Variants in SVOP observed in about 807,000 individuals in gnomAD.
The protein encoded by SVOP is SV2 related protein, also known as synaptic vesicle 2-related protein.
A neutral mutation model predicts 69.1 loss-of-function variants in SVOP; 17 were observed. The ratio of observed to expected loss-of-function variants is 0.25; its 90% CI spans 0.17 to 0.37. The LOEUF (loss-of-function observed/expected upper bound fraction) is 0.37, where lower values mean the gene tolerates loss of function less well. SVOP is among the 10% of genes least tolerant of loss of function. The pLI, the probability that SVOP is intolerant of heterozygous loss-of-function variation, is 1.00. For synonymous variants in SVOP, 238 were observed against 238.6 expected, an observed-to-expected ratio of 1.00 and a Z score of 0.02; for missense variants, 435 against 597.5, an observed-to-expected ratio of 0.73 and a Z score of 2.84.
chr12:108,975,329 T>C (rs1226545770), intron 4 of SVOP, among the ~76,000 whole-genome samples: 1 of 152,260 alleles, frequency 6.6e-6, no homozygotes. Flanking sequence ...TGCAGGACTC[T>C]GACTTTTCCT....
In SVOP at chr12:108,933,157, G is replaced by A. The variant is rs557095974; in HGVS notation, c.1048+1038C>T. On this transcript the variant is annotated intron_variant, in intron 11 of 15. Coordinates refer to ENST00000610966, the MANE Select transcript of SVOP (RefSeq NM_018711.5). ...CCTAAAGTGCTGGGACTACATGCACGAGCCACCACGCCTGGCCTGCAACTT... is the reference window on the plus strand; with the variant it reads ...CCTAAAGTGCTGGGACTACATGCACAAGCCACCACGCCTGGCCTGCAACTT... 5.9e-5 allele frequency among the ~76,000 whole-genome samples: 9 copies of A among 152,242 alleles called. No homozygotes were observed. The East Asian group carries it at 1.5e-3, about 26-fold the overall frequency.
At chr12:108,994,505 A>G (rs987576476) in intron 1 of SVOP, among the ~76,000 whole-genome samples, 1 of 152,162 alleles carries the variant, frequency 6.6e-6, no homozygotes, top group African/African-American at 2.4e-5. Context: ...AATAATAAGA[A>G]TAAAGAACAG....
At chr12:108,941,408 T>C (rs1412662338) in intron 7 of SVOP, among the ~76,000 whole-genome samples, 5 of 152,084 alleles carry the variant, frequency 3.3e-5, no homozygotes, top group Non-Finnish European at 7.4e-5. Flanking sequence ...GTATTTTTAG[T>C]AGAGACAGGG....
intron 5 of SVOP, among the ~76,000 whole-genome samples, chr12:108,969,579 G>A (rs1013486016): frequency 2.0e-5 from 3 of 151,036 alleles, no homozygotes; most frequent in Non-Finnish European, 3.0e-5. Context: ...CTCCCACCTC[G>A]GCCTCCCAAA....
intron 1 of SVOP, among the ~76,000 whole-genome samples, chr12:109,011,921 A>G (rs1330763576): frequency 1.3e-5 from 2 of 152,146 alleles, no homozygotes; most frequent in Non-Finnish European, 2.9e-5. Flanking sequence ...AGAAGCAGAG[A>G]GTGGAATGGT....
chr12:108,991,566 G>C (rs553053396), intron 1 of SVOP, among the ~76,000 whole-genome samples: 11 of 152,088 alleles, frequency 7.2e-5, no homozygotes, highest in African/African-American at 2.6e-4. Context: ...AGCAATCCTC[G>C]TGCCTTGGCC....
At chr12:108,961,159 A>G in intron 5 of SVOP, 112 bp from the exon 6 acceptor site, 1 of 1,320,538 alleles carries the variant, frequency 7.6e-7, no homozygotes, top group East Asian at 2.6e-5. Flanking sequence ...AGCCTACACA[A>G]CCAAGGGGGT....
intron 2 of SVOP, among the ~76,000 whole-genome samples, chr12:108,980,579 T>C (rs1436403940): frequency 6.8e-6 from 1 of 147,756 alleles, no homozygotes; most frequent in African/African-American, 2.6e-5. Flanking sequence ...TGAAACCCCG[T>C]CTCTACTGAA....
intron 11 of SVOP, among the ~76,000 whole-genome samples, chr12:108,924,114 A>T (rs760808645): frequency 2.5e-4 from 38 of 152,170 alleles, no homozygotes; most frequent in Non-Finnish European, 4.7e-4. Flanking sequence ...CCCTTATGCC[A>T]TCTGAGGACA....
intron 1 of SVOP, among the ~76,000 whole-genome samples, chr12:109,010,584 G>T (rs528199701): frequency 1.3e-5 from 2 of 151,892 alleles, no homozygotes; most frequent in South Asian, 4.2e-4. Flanking sequence ...TGCAATCATA[G>T]CTCACTGCAA....
chr12:108,915,664 TATG>T (rs2039708992), intron 15 of SVOP, 116 bp downstream of exon 15: 2 of 1,022,508 alleles, frequency 2.0e-6, no homozygotes, highest in East Asian at 2.9e-5. Context: ...GGTGTGTTGT[TATG>T]ATAAAATGAG....
At chr12:109,020,754 A>ACCCCCCCCCCCCCCCCCCCCCCCC in intron 1 of SVOP, 80 bp downstream of exon 1, 1 of 237,612 alleles carries the variant, frequency 4.2e-6, no homozygotes, top group Non-Finnish European at 8.2e-6. Flanking sequence ...GCAGAGATGT[A>ACCCCCCCCCCCCCCCCCCCCCCCC]CCCCCCCCCA....
intron 12 of SVOP, among the ~76,000 whole-genome samples, chr12:108,920,501 TA>T (rs958265164): frequency 1.3e-5 from 2 of 151,270 alleles, no homozygotes; most frequent in Non-Finnish European, 3.0e-5. Context: ...AAAATGGGCC[TA>T]AAAAATAACA....
chr12:108,983,967 G>A (rs985625399), intron 1 of SVOP, among the ~76,000 whole-genome samples: 11 of 152,310 alleles, frequency 7.2e-5, no homozygotes, highest in African/African-American at 1.9e-4. Context: ...GCCATATACA[G>A]TTGAGCAGAT....
intron 5 of SVOP, among the ~76,000 whole-genome samples, chr12:108,962,998 A>G (rs1241484199): frequency 2.0e-5 from 3 of 152,088 alleles, no homozygotes; most frequent in African/African-American, 7.2e-5. Context: ...AAAGACAAAC[A>G]TGGCACATAT....
intron 2 of SVOP, among the ~76,000 whole-genome samples, chr12:108,983,032 TATC>T (rs1413522398): frequency 2.0e-4 from 28 of 139,226 alleles, no homozygotes; most frequent in East Asian, 6.9e-4. Flanking sequence ...ACCATCATCA[TATC>T]ATCATCATCA....
chr12:108,950,472 C>T, intron 6 of SVOP, among the ~76,000 whole-genome samples: 1 of 152,126 alleles, frequency 6.6e-6, no homozygotes, highest in Non-Finnish European at 1.5e-5. Flanking sequence ...CAGCCTTGAC[C>T]TCCTGGGGTA....
intron 1 of SVOP, among the ~76,000 whole-genome samples, chr12:109,002,759 G>A (rs1194906584): frequency 7.0e-6 from 1 of 142,430 alleles, no homozygotes; most frequent in Non-Finnish European, 1.5e-5. Flanking sequence ...ATTGAACAAT[G>A]AGATCACATG....
intron 1 of SVOP, among the ~76,000 whole-genome samples, chr12:108,990,471 G>A (rs999539233): frequency 6.8e-6 from 1 of 147,108 alleles, no homozygotes; most frequent in Non-Finnish European, 1.5e-5. Flanking sequence ...AGAACACTTG[G>A]ACACAGGAAG....
Sources: allele counts gnomAD v4.1 joint callset (sites outside exome capture counted in the v4.1 genomes callset), GRCh38; gene constraint gnomAD v4.1.1; transcripts MANE v1.5; gene names NCBI Gene and HGNC (gene_info 2026-07-23, HGNC 2026-07-21).